The following RNF150 variants were observed in gnomAD, a reference collection of about 807,000 sequenced individuals.
The protein encoded by RNF150 is ring finger protein 150.
A neutral mutation model predicts 39.3 loss-of-function variants in RNF150; 24 were observed. The observed-to-expected ratio is 0.61, with a 90% CI of 0.44 to 0.86. The LOEUF (loss-of-function observed/expected upper bound fraction) is 0.86. Among genes scored for constraint, RNF150 ranks in the 40% least tolerant of loss-of-function variants. The pLI, the probability that RNF150 is intolerant of heterozygous loss-of-function variation, is 0.00. For synonymous variants in RNF150, 255 were observed against 227.3 expected (o/e 1.12, Z -1.10); for missense variants, 502 against 587.8 (o/e 0.85, Z 1.51).
intron 1 of RNF150, among the ~76,000 whole-genome samples, chr4:141,021,982 T>C (rs1735512335): frequency 6.6e-6 from 1 of 152,176 alleles, no homozygotes; most frequent in Admixed American, 6.5e-5. Flanking sequence ...CATAGGAGAA[T>C]CAGCACTGCA....
chr4:141,069,545 G>C (rs922726314), intron 1 of RNF150, among the ~76,000 whole-genome samples: 28 of 148,106 alleles, frequency 1.9e-4, no homozygotes, highest in Admixed American at 1.6e-3. Flanking sequence ...TCTCTGCCCG[G>C]CTTTGCTATC....
intron 4 of RNF150, among the ~76,000 whole-genome samples, chr4:140,937,242 T>G (rs1205337046): frequency 1.3e-5 from 2 of 152,190 alleles, no homozygotes; most frequent in Admixed American, 1.3e-4. Context: ...ATGCAACTAC[T>G]AAAAATTTTT....
chr4:141,142,130 T>A lies in RNF150; in HGVS notation c.-6+70664A>T, dbSNP rs1727126712. ...CCTGTCATGCCTTCCCCACACTCTT[T>A]AGTTTCTTACTCTTAGCTATGATAT... On this transcript the variant is annotated intron_variant, in intron 1 of 7. Coordinates refer to the RNF150 transcript ENST00000420921. Among the ~76,000 whole-genome samples, 4 of 152,168 alleles carry A rather than the reference T, an allele frequency of 2.6e-5. No individual in the cohort carries two copies. The South Asian group carries it at 8.3e-4, about 32-fold the overall frequency.
chr4:141,044,037 T>A (rs141253719), intron 1 of RNF150, among the ~76,000 whole-genome samples: 60 of 152,308 alleles, frequency 3.9e-4, no homozygotes, highest in African/African-American at 1.4e-3. Context: ...GAAGTAAATG[T>A]ATTCTATTGA....
At chr4:141,021,559 C>G in intron 1 of RNF150, among the ~76,000 whole-genome samples, 1 of 152,084 alleles carries the variant, frequency 6.6e-6, no homozygotes, top group East Asian at 1.9e-4. Flanking sequence ...ATTTTGTTCC[C>G]CTGGCTAACA....
chr4:141,185,782 G>A (rs1332089508), intron 1 of RNF150, among the ~76,000 whole-genome samples: 1 of 152,198 alleles, frequency 6.6e-6, no homozygotes, highest in Non-Finnish European at 1.5e-5. Flanking sequence ...CATCTATTGA[G>A]ATAATCATGT....
At chr4:141,062,838 G>A (rs951057225) in intron 1 of RNF150, among the ~76,000 whole-genome samples, 6 of 151,978 alleles carry the variant, frequency 3.9e-5, no homozygotes, top group African/African-American at 1.5e-4. Context: ...CCCTTTCTCC[G>A]CCCTCTAGTA....
chr4:140,896,927 T>C (rs914181067), intron 6 of RNF150, among the ~76,000 whole-genome samples: 4 of 152,104 alleles, frequency 2.6e-5, no homozygotes, highest in African/African-American at 9.7e-5. Flanking sequence ...CAGATAGCAA[T>C]GTTGGCTGCT....
intron 5 of RNF150, among the ~76,000 whole-genome samples, chr4:140,912,474 T>C (rs56328676): frequency 0.01 from 1,553 of 152,258 alleles, 22 homozygotes; most frequent in African/African-American, 0.032. Flanking sequence ...GAACTCTGGA[T>C]TGATAATGAT....
rs376829050 is a variant in RNF150, at chr4:140,919,551, G to A, written c.987+6426C>T. Among the ~76,000 whole-genome samples the A allele has an allele frequency of 1.8e-4, 27 of 151,346 alleles. No individual in the cohort carries two copies. The East Asian group carries it at 3.3e-3, about 19-fold the overall frequency. On this transcript the variant is annotated intron_variant, in intron 5 of 6. Coordinates refer to ENST00000515673, the MANE Select transcript of RNF150 (RefSeq NM_020724.2). ...GAAATAAAAGAGGATACAAAGAAAT[G>A]GAAGAACATTCCATGCTCATGGGTA...
Position 141,132,842 on chromosome 4 carries a change from G to A in RNF150, c.-34C>T, listed in dbSNP as rs373407882. The stretch of plus-strand genomic sequence containing the variant: ...GCCGGGGCCCCCTCCCCGCCCCCGC[G>A]CCCTCCCTCCGTCCCGTCCCTCCTC... On this transcript the variant is annotated 5_prime_UTR_variant, in exon 1 of 7. Coordinates refer to ENST00000515673, the MANE Select transcript of RNF150 (RefSeq NM_020724.2). The surrounding 1 kb of genome is among the most constrained non-coding windows in gnomAD (Gnocchi z 4.9). 3 of 1,566,330 alleles carry A rather than the reference G, an allele frequency of 1.9e-6. No homozygotes were observed. The highest frequency in any genetic ancestry group is 2.3e-5 in the East Asian group (1 of 43,646).
intron 1 of RNF150, among the ~76,000 whole-genome samples, chr4:141,119,963 G>A (rs776319986): frequency 3.9e-5 from 6 of 152,214 alleles, no homozygotes; most frequent in Non-Finnish European, 8.8e-5. Flanking sequence ...CAGAAAAAGT[G>A]TATATAATAA....
At chr4:141,047,778 C>G (rs1736631785) in intron 1 of RNF150, among the ~76,000 whole-genome samples, 2 of 152,026 alleles carry the variant, frequency 1.3e-5, no homozygotes, top group African/African-American at 4.8e-5. Context: ...TCTTTCCATC[C>G]CTCTTTCTTT....
At chr4:140,999,493 C>G (rs1734495859) in intron 1 of RNF150, among the ~76,000 whole-genome samples, 1 of 152,168 alleles carries the variant, frequency 6.6e-6, no homozygotes, top group South Asian at 2.1e-4. Context: ...AGATATCCTA[C>G]AGTTTAGGCA....
intron 2 of RNF150, among the ~76,000 whole-genome samples, chr4:140,956,880 C>A: frequency 6.6e-6 from 1 of 151,706 alleles, no homozygotes; most frequent in Non-Finnish European, 1.5e-5. Context: ...GGATCCCTTC[C>A]TTACACCTTA....
chr4:141,090,996 A>G (rs774105910), intron 1 of RNF150, among the ~76,000 whole-genome samples: 2 of 152,220 alleles, frequency 1.3e-5, no homozygotes, highest in Non-Finnish European at 2.9e-5. Context: ...GCTCCACTCT[A>G]TTCTACTTGG....
intron 6 of RNF150, among the ~76,000 whole-genome samples, chr4:140,893,101 C>A (rs1729815891): frequency 1.3e-5 from 2 of 152,176 alleles, no homozygotes; most frequent in South Asian, 4.2e-4. Context: ...GTAGTGTTGC[C>A]ACCATGACCA....
intron 1 of RNF150, among the ~76,000 whole-genome samples, chr4:140,980,182 A>G (rs1252720244): frequency 6.6e-6 from 1 of 151,996 alleles, no homozygotes; most frequent in Non-Finnish European, 1.5e-5. Flanking sequence ...TGCTGGGACT[A>G]CAGGCTTGTG....
At chr4:140,924,145 C>A (rs1731286369) in intron 5 of RNF150, among the ~76,000 whole-genome samples, 1 of 151,956 alleles carries the variant, frequency 6.6e-6, no homozygotes, top group African/African-American at 2.4e-5. Flanking sequence ...TTACCAAATC[C>A]AAAAGATGCT....
Sources: gnomAD v4.1 joint callset for allele counts (sites outside exome capture counted in the v4.1 genomes callset) on GRCh38, gnomAD v4.1.1 for gene constraint, Gnocchi (gnomAD v3.1) non-coding constraint, MANE v1.5 for transcripts, NCBI Gene and HGNC (gene_info 2026-07-23, HGNC 2026-07-21) for gene names.